Variants in LARP4B observed in about 807,000 individuals in gnomAD.
LARP4B encodes La ribonucleoprotein 4B.
Under a neutral mutation model 89.8 loss-of-function variants are expected in LARP4B, and 12 were observed. The observed-to-expected ratio is 0.13, with a 90% CI of 0.09 to 0.22. LARP4B has a LOEUF of 0.22. Among genes scored for constraint, LARP4B ranks in the 10% least tolerant of loss-of-function variants. LARP4B has a pLI of 1.00. For missense variants in LARP4B, 757 were observed against 947.7 expected, an observed-to-expected ratio of 0.80 and a Z score of 2.64; for synonymous variants, 367 against 363.3, an observed-to-expected ratio of 1.01 and a Z score of -0.12.
intron 5 of LARP4B, among the ~76,000 whole-genome samples, chr10:847,620 G>A (rs1032895428): frequency 1.3e-5 from 2 of 151,840 alleles, no homozygotes; most frequent in South Asian, 2.1e-4. Context: ...TCCACCTCCC[G>A]GGTTCAAGTG....
At chr10:943,776 G>T in the LARP4B span, among the ~76,000 whole-genome samples, 7 of 152,180 alleles carry the variant, frequency 4.6e-5, no homozygotes, top group Admixed American at 4.6e-4. Context: ...AGGAGGGCCC[G>T]GGTCGGGAGG....
In LARP4B at chr10:812,516, G is replaced by A. The variant is rs1831786115; in HGVS notation, c.*410C>T. 1 of 144,080 alleles carries A rather than the reference G, an allele frequency of 6.9e-6. No homozygotes were observed. The allele number at this position is 144,080 out of a possible 1,614,324, so 8.9% of individuals were successfully genotyped here. On this transcript the variant is annotated 3_prime_UTR_variant, in exon 18 of 18. Coordinates refer to ENST00000316157, the MANE Select transcript of LARP4B (RefSeq NM_015155.3). ...CATTCATCTGCGGGGACGTTCTAGA[G>A]ATATGCACTTACAGACCAGTTACTT...
At chr10:907,502 T>A (rs1836525823) in intron 1 of LARP4B, among the ~76,000 whole-genome samples, 1 of 152,200 alleles carries the variant, frequency 6.6e-6, no homozygotes, top group African/African-American at 2.4e-5. Flanking sequence ...GATCTAAACA[T>A]ACAAAGGAGT....
At chr10:865,275 T>C (rs759056424) in intron 3 of LARP4B, among the ~76,000 whole-genome samples, 1 of 152,144 alleles carries the variant, frequency 6.6e-6, no homozygotes, top group Non-Finnish European at 1.5e-5. Flanking sequence ...CTGTGGAACA[T>C]GGGCTAAACC....
intron 7 of LARP4B, among the ~76,000 whole-genome samples, chr10:840,165 T>C (rs1020549266): frequency 6.6e-6 from 1 of 152,220 alleles, no homozygotes; most frequent in South Asian, 2.1e-4. Context: ...GGTATCGTGA[T>C]TGTGGTAGTT....
At chr10:984,786 TG>T in the LARP4B span, among the ~76,000 whole-genome samples, 1 of 152,090 alleles carries the variant, frequency 6.6e-6, no homozygotes, top group Non-Finnish European at 1.5e-5. Context: ...TAGCCAGGTG[TG>T]GTGGCATGTA....
chr10:923,037 T>C (rs973536842), intron 1 of LARP4B, among the ~76,000 whole-genome samples: 5 of 151,648 alleles, frequency 3.3e-5, no homozygotes, highest in Admixed American at 2.0e-4. Flanking sequence ...ACTGTGCCAC[T>C]GCACTCCAGC....
chr10:820,603 C>T (rs1024718234), intron 14 of LARP4B, 197 bp downstream of exon 14: 60 of 578,076 alleles, frequency 1.0e-4, no homozygotes, highest in Non-Finnish European at 1.6e-4. Context: ...TGCAGCACAT[C>T]GCTATTTCCA....
intron 1 of LARP4B, among the ~76,000 whole-genome samples, chr10:905,875 G>A (rs1028658846): frequency 1.3e-5 from 2 of 152,186 alleles, no homozygotes; most frequent in African/African-American, 4.8e-5. Flanking sequence ...TCACAGCACA[G>A]TGGAACAGAC....
At chr10:864,307 T>C in intron 3 of LARP4B, 37 bp from the exon 4 acceptor site, 2 of 1,610,438 alleles carry the variant, frequency 1.2e-6, no homozygotes, top group Non-Finnish European at 1.7e-6. Flanking sequence ...TGTATCCAAA[T>C]GTCAACCAAA....
chr10:838,884 G>T (rs1340470130), intron 7 of LARP4B, among the ~76,000 whole-genome samples: 1 of 152,226 alleles, frequency 6.6e-6, no homozygotes, highest in Non-Finnish European at 1.5e-5. Flanking sequence ...TGGGTAGATG[G>T]ATAAGCAAAC....
At chr10:926,810 A>T (rs1277017115) in intron 1 of LARP4B, among the ~76,000 whole-genome samples, 1 of 152,182 alleles carries the variant, frequency 6.6e-6, no homozygotes, top group African/African-American at 2.4e-5. Context: ...GCCAAGGCAG[A>T]TGGGTCACTT....
chr10:981,856 G>A, the LARP4B span, among the ~76,000 whole-genome samples: 29 of 152,070 alleles, frequency 1.9e-4, no homozygotes, highest in South Asian at 3.3e-3. Flanking sequence ...ATGAGCCACC[G>A]CACCCAGCCA....
At chr10:959,277 G>T in the LARP4B span, among the ~76,000 whole-genome samples, 3 of 152,012 alleles carry the variant, frequency 2.0e-5, no homozygotes, top group African/African-American at 7.3e-5. Context: ...AGGGAAATTT[G>T]GCAGCATTTG....
chr10:891,417 A>T (rs1398964939), intron 1 of LARP4B, among the ~76,000 whole-genome samples: 1 of 152,260 alleles, frequency 6.6e-6, no homozygotes, highest in Non-Finnish European at 1.5e-5. Flanking sequence ...ATACTAAAAA[A>T]TGATTCTAGT....
chr10:861,603 T>C (rs1211873150), intron 5 of LARP4B, among the ~76,000 whole-genome samples: 2 of 152,258 alleles, frequency 1.3e-5, no homozygotes, highest in Non-Finnish European at 2.9e-5. Context: ...CTTTTGATAA[T>C]GTTCCCTATC....
At chr10:969,381 T>C in the LARP4B span, among the ~76,000 whole-genome samples, 2 of 152,156 alleles carry the variant, frequency 1.3e-5, no homozygotes, top group South Asian at 2.1e-4. Flanking sequence ...TTGACTTTTA[T>C]AAAAGCTTGG....
chr10:845,108 A>G, intron 5 of LARP4B, 53 bp from the exon 6 acceptor site: 2 of 1,333,696 alleles, frequency 1.5e-6, no homozygotes, highest in Non-Finnish European at 2.1e-6. Context: ...TTTAGGAAGC[A>G]GATAATTCAG....
At chr10:952,042 T>TA in the LARP4B span, among the ~76,000 whole-genome samples, 1 of 151,600 alleles carries the variant, frequency 6.6e-6, no homozygotes, top group Non-Finnish European at 1.5e-5. Context: ...ATACAAACTT[T>TA]AAAAGGAAGA....
Sources: gnomAD v4.1 joint callset for allele counts (sites outside exome capture counted in the v4.1 genomes callset) on GRCh38, gnomAD v4.1.1 for gene constraint, MANE v1.5 for transcripts, NCBI Gene and HGNC (gene_info 2026-07-23, HGNC 2026-07-21) for gene names.